TAFA5: variants seen among roughly 807,000 people sequenced by gnomAD.
TAFA5 encodes the protein TAFA chemokine like family member 5.
In TAFA5, 6 loss-of-function variants were observed where a neutral mutation model predicts 15.3. The ratio of observed to expected loss-of-function variants is 0.39; its 90% CI spans 0.21 to 0.77. The LOEUF is 0.77. Among genes scored for constraint, TAFA5 ranks in the 30% least tolerant of loss-of-function variants. The pLI is 0.41. For synonymous variants in TAFA5, 103 were observed against 80.7 expected (o/e 1.28, Z -1.48); for missense variants, 161 against 193.1 (o/e 0.83, Z 0.98).
At chr22:48,660,400 C>A (rs1304933425) in intron 2 of TAFA5, among the ~76,000 whole-genome samples, 3 of 152,174 alleles carry the variant, frequency 2.0e-5, no homozygotes, top group Non-Finnish European at 2.9e-5. Context: ...TGAACATTTT[C>A]TTTATTTCAT....
chr22:48,729,738 AATATAAATTTAAATATGAAAT>A (rs1929816663), intron 3 of TAFA5, among the ~76,000 whole-genome samples: 1 of 147,608 alleles, frequency 6.8e-6, no homozygotes. Context: ...ATAAAACATA[AATATAAATTTAAATATGAAAT>A]ATATAAATTT....
At chr22:48,608,429 G>T (rs1232924659) in intron 1 of TAFA5, among the ~76,000 whole-genome samples, 1 of 149,548 alleles carries the variant, frequency 6.7e-6, no homozygotes. Flanking sequence ...GATACTGTTG[G>T]TTTTTTTTTT....
chr22:48,702,482 A>G (rs1249866118), intron 2 of TAFA5, among the ~76,000 whole-genome samples: 2 of 152,002 alleles, frequency 1.3e-5, no homozygotes, highest in African/African-American at 4.8e-5. Flanking sequence ...CCACGTCCTA[A>G]GCACCTGCTC....
intron 1 of TAFA5, among the ~76,000 whole-genome samples, chr22:48,518,439 TC>T (rs1921490508): frequency 6.6e-6 from 1 of 152,048 alleles, no homozygotes; most frequent in Non-Finnish European, 1.5e-5. Flanking sequence ...TGAGTCCACC[TC>T]CCCCTGTCCC....
Position 48,567,263 on chromosome 22 carries a change from G to A in TAFA5, c.112+77559G>A, listed in dbSNP as rs577380870. Among the ~76,000 whole-genome samples, 30 of 152,342 alleles carry A rather than the reference G, an allele frequency of 2.0e-4. No individual in the cohort carries two copies. The East Asian group carries it at 2.7e-3, about 14-fold the overall frequency. On this transcript the variant is annotated intron_variant, in intron 1 of 3. Coordinates refer to ENST00000402357, the MANE Select transcript of TAFA5 (RefSeq NM_001082967.3). ...GAGAGCATCCCGCTGTGTGCTGCCC[G>A]CCTGGCCTCCGGAAGGCTGCTGGGA...
At chr22:48,572,746 C>T (rs1923633394) in intron 1 of TAFA5, among the ~76,000 whole-genome samples, 2 of 152,152 alleles carry the variant, frequency 1.3e-5, no homozygotes, top group South Asian at 4.1e-4. Flanking sequence ...ATTTTTGATA[C>T]AGTAATGTGT....
intron 2 of TAFA5, among the ~76,000 whole-genome samples, chr22:48,667,138 C>T (rs1275780261): frequency 6.6e-6 from 1 of 152,128 alleles, no homozygotes; most frequent in African/African-American, 2.4e-5. Context: ...CCCGTTTCTG[C>T]CTGGAGCTTT....
intron 3 of TAFA5, among the ~76,000 whole-genome samples, chr22:48,738,593 C>T (rs1445783429): frequency 1.3e-5 from 2 of 151,772 alleles, no homozygotes; most frequent in Non-Finnish European, 2.9e-5. Flanking sequence ...ACCACAGCCT[C>T]CTCACCTGAG....
chr22:48,677,495 G>A (rs1928013373), intron 2 of TAFA5, among the ~76,000 whole-genome samples: 1 of 152,224 alleles, frequency 6.6e-6, no homozygotes, highest in African/African-American at 2.4e-5. Flanking sequence ...TTCATCTCCA[G>A]CAAGACTGAC....
chr22:48,695,817 G>A (rs1011437053), intron 2 of TAFA5, among the ~76,000 whole-genome samples: 1 of 152,156 alleles, frequency 6.6e-6, no homozygotes, highest in Non-Finnish European at 1.5e-5. Context: ...GGGCCCTCTG[G>A]CGTCACCAGA....
chr22:48,724,433 C>T (rs74682678), intron 3 of TAFA5, among the ~76,000 whole-genome samples: 1,957 of 152,268 alleles, frequency 0.013, 36 homozygotes, highest in African/African-American at 0.045. Flanking sequence ...TGAGCTTCTC[C>T]AGCGTTTGGA....
intron 2 of TAFA5, among the ~76,000 whole-genome samples, chr22:48,694,374 G>T (rs921241928): frequency 1.3e-5 from 2 of 151,854 alleles, no homozygotes; most frequent in African/African-American, 4.9e-5. Flanking sequence ...GGGAAGGCTG[G>T]CACTGCTGGG....
chr22:48,514,237 TA>T (rs1447616833), intron 1 of TAFA5, among the ~76,000 whole-genome samples: 1 of 152,240 alleles, frequency 6.6e-6, no homozygotes, highest in Non-Finnish European at 1.5e-5. Context: ...CCATCTCAAT[TA>T]ATGTAAAATA....
At chr22:48,724,391 C>T (rs776865012) in intron 3 of TAFA5, among the ~76,000 whole-genome samples, 7 of 152,114 alleles carry the variant, frequency 4.6e-5, no homozygotes, top group Non-Finnish European at 1.0e-4. Context: ...TCCCTCCTCC[C>T]GACACCTGGG....
At chr22:48,538,580 G>A (rs1011173705) in intron 1 of TAFA5, among the ~76,000 whole-genome samples, 1 of 152,348 alleles carries the variant, frequency 6.6e-6, no homozygotes. Context: ...CCCACAGCAG[G>A]GAGCATGACT....
intron 1 of TAFA5, among the ~76,000 whole-genome samples, chr22:48,556,729 A>T (rs944092507): frequency 4.6e-5 from 7 of 152,088 alleles, no homozygotes; most frequent in African/African-American, 1.7e-4. Context: ...GCAGACAGGG[A>T]TGTGGGGTCC....
chr22:48,693,725 C>T (rs899476833), intron 2 of TAFA5, among the ~76,000 whole-genome samples: 4 of 152,210 alleles, frequency 2.6e-5, no homozygotes, highest in Non-Finnish European at 4.4e-5. Context: ...CAGTCCTGCT[C>T]CGGGCCTTGG....
intron 1 of TAFA5, among the ~76,000 whole-genome samples, chr22:48,641,794 T>TC (rs1382194931): frequency 1.3e-5 from 2 of 152,060 alleles, no homozygotes; most frequent in African/African-American, 2.4e-5. Context: ...CAGAGGCCAC[T>TC]CCCCAAGCAC....
chr22:48,594,005 A>T lies in TAFA5; in HGVS notation c.113-52592A>T, dbSNP rs145661912. On this transcript the variant is annotated intron_variant, in intron 1 of 3. Coordinates refer to ENST00000402357, the MANE Select transcript of TAFA5 (RefSeq NM_001082967.3). ...TTCTGAAGTCCTTATGTAAGGAATTATGGTTTCCGGGGAGACCCATTGTGA... is the reference window on the plus strand; with the variant it reads ...TTCTGAAGTCCTTATGTAAGGAATTTTGGTTTCCGGGGAGACCCATTGTGA... Among the ~76,000 whole-genome samples, 234 of 152,364 alleles carry T rather than the reference A, an allele frequency of 1.5e-3. 1 individual carries two copies. Among genetic ancestry groups the T allele is most frequent in the East Asian group, 3.7e-3 (19 of 5,184 alleles).
Sources: allele counts gnomAD v4.1 joint callset (sites outside exome capture counted in the v4.1 genomes callset), GRCh38; gene constraint gnomAD v4.1.1; transcripts MANE v1.5; gene names NCBI Gene and HGNC (gene_info 2026-07-23, HGNC 2026-07-21).